Variants in GALNT10 observed in about 807,000 individuals in gnomAD.
GALNT10 encodes the protein polypeptide N-acetylgalactosaminyltransferase 10.
A neutral mutation model predicts 75.0 loss-of-function variants in GALNT10; 41 were observed. That is an observed-to-expected ratio of 0.55 (90% CI 0.43 to 0.71). The LOEUF is 0.71. Among genes scored for constraint, GALNT10 ranks in the 30% least tolerant of loss-of-function variants. The pLI, the probability that GALNT10 is intolerant of heterozygous loss-of-function variation, is 0.00. For missense variants in GALNT10, 727 were observed against 818.5 expected, an observed-to-expected ratio of 0.89 and a Z score of 1.36; for synonymous variants, 302 against 313.0, an observed-to-expected ratio of 0.96 and a Z score of 0.37.
intron 1 of GALNT10, among the ~76,000 whole-genome samples, chr5:154,288,479 G>A (rs918469736): frequency 7.3e-5 from 11 of 151,718 alleles, no homozygotes; most frequent in Admixed American, 7.2e-4. Flanking sequence ...GGAATGTTAA[G>A]TAAAAGCATG....
intron 4 of GALNT10, among the ~76,000 whole-genome samples, chr5:154,342,824 T>C (rs1293608702): frequency 5.9e-5 from 9 of 152,204 alleles, no homozygotes; most frequent in Non-Finnish European, 4.4e-5. Context: ...CCTGATGATC[T>C]CACTTAAATT....
chr5:154,256,504 G>A (rs575342520), intron 1 of GALNT10, among the ~76,000 whole-genome samples: 2 of 151,980 alleles, frequency 1.3e-5, no homozygotes, highest in South Asian at 4.2e-4. Flanking sequence ...CATATCACTA[G>A]GGAGTGGAAT....
At chr5:154,235,441 GA>G (rs1231669415) in intron 1 of GALNT10, among the ~76,000 whole-genome samples, 1 of 152,136 alleles carries the variant, frequency 6.6e-6, no homozygotes, top group East Asian at 1.9e-4. Context: ...CTGGAGAGCT[GA>G]ACAGAGACTT....
At chr5:154,355,715 G>A (rs1755280741) in intron 4 of GALNT10, among the ~76,000 whole-genome samples, 1 of 149,752 alleles carries the variant, frequency 6.7e-6, no homozygotes, top group African/African-American at 2.6e-5. Context: ...CCATTTTGCA[G>A]TTGAGATATC....
At chr5:154,371,348 C>G (rs1755560001) in intron 4 of GALNT10, among the ~76,000 whole-genome samples, 1 of 152,152 alleles carries the variant, frequency 6.6e-6, no homozygotes, top group Admixed American at 6.5e-5. Flanking sequence ...ACATTCACAA[C>G]AACCAGGGGT....
chr5:154,219,832 T>TCACACACACACACACACACACACA (rs775014222), intron 1 of GALNT10, among the ~76,000 whole-genome samples: 2 of 80,120 alleles, frequency 2.5e-5, no homozygotes, highest in Non-Finnish European at 6.5e-5. Flanking sequence ...TCTCTCTCTC[T>TCACACACACACACACACACACACA]CTCTCTCACA....
chr5:154,221,403 G>A (rs535629861), intron 1 of GALNT10, among the ~76,000 whole-genome samples: 9 of 152,266 alleles, frequency 5.9e-5, no homozygotes, highest in Admixed American at 5.2e-4. Context: ...TCCCTGCACC[G>A]CTCCGGGGGT....
intron 7 of GALNT10, among the ~76,000 whole-genome samples, chr5:154,391,820 CCT>C (rs990327215): frequency 6.6e-6 from 1 of 152,122 alleles, no homozygotes; most frequent in African/African-American, 2.4e-5. Flanking sequence ...AGTTGGCTTC[CCT>C]CTCAGGTGGG....
chr5:154,400,850 G>A (rs2113207748), intron 7 of GALNT10, among the ~76,000 whole-genome samples: 1 of 152,228 alleles, frequency 6.6e-6, no homozygotes, highest in South Asian at 2.1e-4. Flanking sequence ...GCTGCACGGG[G>A]CTCTTGGTCA....
intron 3 of GALNT10, among the ~76,000 whole-genome samples, chr5:154,313,685 CA>C (rs1386026800): frequency 1.3e-5 from 2 of 152,142 alleles, no homozygotes; most frequent in Non-Finnish European, 2.9e-5. Context: ...CCTTTTATTC[CA>C]GTCAGACTGT....
Position 154,376,605 on chromosome 5 carries a change from T to C in GALNT10, c.754+143T>C. On this transcript the variant is annotated intron_variant, in intron 5 of 11. Transcript: ENST00000297107. This position sits in a 1 kb window ranked among gnomAD's most constrained non-coding sequence, Gnocchi z 4.1. ...GCACAATGCCAGGTGCCATGAGGGA[T>C]TCAGAAGTTCAGGAGTGCTCAAAAT... The C allele has an allele frequency of 1.7e-6, 1 of 577,808 alleles. No homozygotes were observed. The highest frequency in any genetic ancestry group is 3.0e-6 in the Non-Finnish European group (1 of 333,788). The allele number at this position is 577,808 out of a possible 1,614,324, so 35.8% of individuals were successfully genotyped here.
At chr5:154,345,906 A>G (rs1454237745) in intron 4 of GALNT10, among the ~76,000 whole-genome samples, 2 of 149,396 alleles carry the variant, frequency 1.3e-5, no homozygotes, top group Admixed American at 6.7e-5. Flanking sequence ...CAGCCACCCA[A>G]AGTGCCTGGG....
chr5:154,390,212 T>C (rs1461727040), intron 7 of GALNT10, among the ~76,000 whole-genome samples: 1 of 152,232 alleles, frequency 6.6e-6, no homozygotes, highest in Non-Finnish European at 1.5e-5. Flanking sequence ...TCCGGGACAC[T>C]GTGCAGCTCT....
intron 1 of GALNT10, among the ~76,000 whole-genome samples, chr5:154,268,090 A>G (rs932107514): frequency 1.1e-4 from 16 of 152,226 alleles, no homozygotes; most frequent in African/African-American, 3.4e-4. Context: ...TAACATAGTG[A>G]CTTTAGAAGC....
intron 4 of GALNT10, among the ~76,000 whole-genome samples, chr5:154,350,707 G>A (rs1442852578): frequency 6.6e-6 from 1 of 152,192 alleles, no homozygotes; most frequent in Non-Finnish European, 1.5e-5. Context: ...ATGGAACAGA[G>A]CTGGGAAGAG....
At chr5:154,274,055 G>T (rs1474892016) in intron 1 of GALNT10, among the ~76,000 whole-genome samples, 3 of 152,164 alleles carry the variant, frequency 2.0e-5, no homozygotes, top group African/African-American at 7.2e-5. Context: ...GAAAGCTAGG[G>T]CATTCTAGCC....
At chr5:154,386,617 G>GGGGC in intron 7 of GALNT10, 187 bp downstream of exon 7, 4 of 365,822 alleles carry the variant, frequency 1.1e-5, no homozygotes, top group East Asian at 1.4e-4. Context: ...GGGGGTGTGG[G>GGGGC]AGGGAAGGGG....
chr5:154,376,514 C>T lies in GALNT10; in HGVS notation c.754+52C>T. On this transcript the variant is annotated intron_variant, in intron 5 of 11. Transcript: ENST00000297107. The surrounding 1 kb of genome is among the most constrained non-coding windows in gnomAD (Gnocchi z 4.1). ...GAGGCAAACTGCAATGAGCCAGTGC[C>T]AGTGGCCCCCTCCTGCTGCAGGGAG... The T allele has an allele frequency of 7.5e-7, 1 of 1,342,248 alleles. No homozygotes were observed. Among genetic ancestry groups the T allele is most frequent in the Non-Finnish European group, 1.0e-6 (1 of 978,182 alleles). The allele number at this position is 1,342,248 out of a possible 1,614,324, so 83.1% of individuals were successfully genotyped here. A position where few individuals can be genotyped will look rare whatever the true frequency, so the allele number is the denominator to read the frequency against.
At chr5:154,246,968 T>G (rs1283886088) in intron 1 of GALNT10, among the ~76,000 whole-genome samples, 1 of 152,228 alleles carries the variant, frequency 6.6e-6, no homozygotes, top group Non-Finnish European at 1.5e-5. Flanking sequence ...CTTTAATCCA[T>G]CTTGAATTAA....
Sources: allele counts gnomAD v4.1 joint callset (sites outside exome capture counted in the v4.1 genomes callset), GRCh38; gene constraint gnomAD v4.1.1; non-coding constraint Gnocchi (gnomAD v3.1); transcripts MANE v1.5; gene names NCBI Gene and HGNC (gene_info 2026-07-23, HGNC 2026-07-21).